CXCR6: variants seen among roughly 807,000 people sequenced by gnomAD.
CXCR6 encodes the protein C-X-C chemokine receptor type 6.
A neutral mutation model predicts 1.6 loss-of-function variants in CXCR6; 3 were observed. That is an observed-to-expected ratio of 1.83 (90% CI 0.83 to 4.72). CXCR6 has a LOEUF of 4.72. Ranked by LOEUF, CXCR6 falls within the 30% of genes most tolerant of loss-of-function variation. The pLI, the probability that CXCR6 is intolerant of heterozygous loss-of-function variation, is 0.02. For synonymous variants in CXCR6, 171 were observed against 159.2 expected (o/e 1.07, Z -0.56); for missense variants, 326 against 414.8 (o/e 0.79, Z 1.86).
rs913360778 is a variant in CXCR6 at position 45,948,272 on chromosome 3, C to T, written c.*762C>T. ...ACAAACGTATGTAAATGTATATACC[C>T]ACACACATACACACATATGTCATAT... On this transcript the variant is annotated 3_prime_UTR_variant, in exon 2 of 2. Transcript: ENST00000304552. 1.2e-5 allele frequency: 2 copies of T among 166,918 alleles called. No individual in the cohort carries two copies. The highest frequency in any genetic ancestry group is 4.8e-5 in the African/African-American group (2 of 41,446). The allele number at this position is 166,918 out of a possible 1,614,324, so 10.3% of individuals were successfully genotyped here. A position where few individuals can be genotyped will look rare whatever the true frequency, so the allele number is the denominator to read the frequency against.
rs551078757 is a variant in CXCR6 at position 45,946,950 on chromosome 3, G to A, written c.469G>A (p.Val157Met). The A allele has an allele frequency of 1.4e-5, 22 of 1,614,188 alleles. 1 individual carries two copies. In the South Asian group the frequency reaches 2.1e-4, roughly 15 times the overall value. Residue 157 changes from valine to methionine, a missense_variant, in exon 2 of 2, where the codon GTG becomes ATG. Val to Met is a conservative substitution (Grantham distance 21, BLOSUM62 1). Coordinates refer to ENST00000304552, the MANE Select transcript of CXCR6 (RefSeq NM_006564.2). ...WGKVTSLLIWVISLLVSLPQI... is the reference protein window; with the variant it reads ...WGKVTSLLIWMISLLVSLPQI... Reference sequence around the variant, plus strand: ...CAAGGTCACCAGCTTGCTCATCTGGGTGATATCCCTGCTGGTTTCCTTGCC... The same window carrying A: ...CAAGGTCACCAGCTTGCTCATCTGGATGATATCCCTGCTGGTTTCCTTGCC...
At chr3:45,943,263 G>A (rs574416457), upstream of CXCR6, among the ~76,000 whole-genome samples, 2 of 152,222 alleles carry the variant, frequency 1.3e-5, no homozygotes, top group East Asian at 1.9e-4. Context: ...AATAAAGCTC[G>A]TCAGGCCCTG....
rs1704743019 is a variant in CXCR6 at position 45,947,956 on chromosome 3, T to A, written c.*446T>A. On this transcript the variant is annotated 3_prime_UTR_variant, in exon 2 of 2. Transcript: ENST00000304552. ...TCAGAGCAGCAGTGAAAACAAGTGC[T>A]GGCACCACCAGGCACCTCACAGAAA... is the stretch of plus-strand genomic sequence containing the variant. 1 of 163,832 alleles carries A rather than the reference T, an allele frequency of 6.1e-6. No homozygotes were observed. Among genetic ancestry groups the A allele is most frequent in the African/African-American group, 2.6e-5 (1 of 37,752 alleles). 10.1% of individuals were successfully genotyped at this position (163,832 alleles called of 1,614,324 possible). A position where few individuals can be genotyped will look rare whatever the true frequency, so the allele number is the denominator to read the frequency against.
In CXCR6 at chr3:45,946,714, T is replaced by TG; in HGVS notation, c.235dup (p.Val79GlyfsTer16). The TG allele has an allele frequency of 6.2e-7, 1 of 1,614,250 alleles. No individual in the cohort carries two copies. The highest frequency in any genetic ancestry group is 2.2e-5 in the East Asian group (1 of 44,894). ...CTGGTGAACCTACCCCTGGCTGACC[T>TG]GGTGTTTGTCTGCACTCTGCCCTTC... On this transcript the variant is annotated frameshift_variant, in exon 2 of 2. Transcript: ENST00000304552. LOFTEE classifies it low-confidence loss of function (END_TRUNC).
upstream of CXCR6, among the ~76,000 whole-genome samples, chr3:45,941,568 C>G (rs142994526): frequency 1.8e-3 from 275 of 152,332 alleles, no homozygotes; most frequent in African/African-American, 6.3e-3. Flanking sequence ...TAGCCCCAAA[C>G]CTGCAAGTGG....
rs564092073 is a variant in CXCR6 at position 45,948,339 on chromosome 3, T to A, written c.*829T>A. The A allele has an allele frequency of 6.0e-6, 1 of 165,550 alleles. No homozygotes were observed. The highest frequency in any genetic ancestry group is 1.5e-5 in the Non-Finnish European group (1 of 68,122). 10.3% of individuals were successfully genotyped at this position (165,550 alleles called of 1,614,324 possible). ...TTTCATAGCTAAGAAATAAAACTGT[T>A]AAAGTCTCCAAACTACTTTTACACT... On this transcript the variant is annotated 3_prime_UTR_variant, in exon 2 of 2. Transcript: ENST00000304552.
In CXCR6 at chr3:45,946,545, G is replaced by A. The variant is rs776345111; in HGVS notation, c.64G>A (p.Glu22Lys). Residue 22 changes from glutamate to lysine, a missense_variant, in exon 2 of 2, where the codon GAG becomes AAG. Physicochemically the swap from Glu to Lys is moderately conservative, Grantham distance 56. Coordinates refer to ENST00000304552, the MANE Select transcript of CXCR6 (RefSeq NM_006564.2). ...CAGTTTCAATGACAGCAGCCAGGAG[G>A]AGCATCAAGACTTCCTGCAGTTCAG... ...FSSFNDSSQE[E>K]HQDFLQFSKV... The A allele has an allele frequency of 6.2e-7, 1 of 1,614,208 alleles. No homozygotes were observed. Among genetic ancestry groups the A allele is most frequent in the African/African-American group, 1.3e-5 (1 of 75,056 alleles).
At chr3:45,942,023 G>A (rs1704254300), upstream of CXCR6, among the ~76,000 whole-genome samples, 1 of 152,344 alleles carries the variant, frequency 6.6e-6, no homozygotes, top group African/African-American at 2.4e-5. Context: ...CCATCGGTAT[G>A]TAGTCTATGC....
Position 45,947,367 on chromosome 3 carries a change from C to A in CXCR6, c.886C>A (p.Arg296=). The stretch of plus-strand genomic sequence containing the variant: ...CTATGCCTTTGTCAGCCTGAAGTTT[C>A]GAAAGAACTTCTGGAAACTTGTGAA... ...VLYAFVSLKF[R]KNFWKLVKDI... The change falls in exon 2 of 2, where the codon CGA becomes AGA. Residue 296 remains arginine, a synonymous_variant. Coordinates refer to ENST00000304552, the MANE Select transcript of CXCR6 (RefSeq NM_006564.2). 6.2e-7 allele frequency: 1 copy of A among 1,614,234 alleles called. No individual in the cohort carries two copies. Among genetic ancestry groups the A allele is most frequent in the Non-Finnish European group, 8.5e-7 (1 of 1,180,048 alleles).
At chr3:45,945,160 T>G (rs574769311) in intron 1 of CXCR6, 1 of 152,262 alleles carries the variant, frequency 6.6e-6, no homozygotes, top group South Asian at 2.1e-4. Flanking sequence ...GCGACAGAAG[T>G]GTTTCTGAGT....
upstream of CXCR6, among the ~76,000 whole-genome samples, chr3:45,943,094 G>A (rs1163522472): frequency 4.6e-5 from 7 of 152,280 alleles, no homozygotes; most frequent in South Asian, 6.2e-4. Flanking sequence ...GCATATGCAC[G>A]CAGAACCCAG....
chr3:45,946,499 C>A lies in CXCR6; in HGVS notation c.18C>A (p.Tyr6Ter). The stretch of plus-strand genomic sequence containing the variant: ...CAGACACCATGGCAGAGCATGATTA[C>A]CATGAAGACTATGGGTTCAGCAGTT... The part of the protein sequence containing the change: MAEHD[Y>*]HEDYGFSSFN... The change falls in exon 2 of 2, where the codon TAC becomes TAA. Residue 6 changes from tyrosine to a stop codon, truncating the protein, a stop_gained. Coordinates refer to ENST00000304552, the MANE Select transcript of CXCR6 (RefSeq NM_006564.2). LOFTEE classifies it low-confidence loss of function (END_TRUNC). 6.2e-7 allele frequency: 1 copy of A among 1,613,476 alleles called. No individual in the cohort carries two copies. The highest frequency in any genetic ancestry group is 1.1e-5 in the South Asian group (1 of 91,024).
Position 45,946,958 on chromosome 3 carries a change from C to G in CXCR6, c.477C>G (p.Ser159=). Residue 159 remains serine (S), a synonymous_variant, in exon 2 of 2, where the codon TCC becomes TCG. Transcript: ENST00000304552. The part of the protein sequence containing the change: ...KVTSLLIWVI[S]LLVSLPQIIY... ...CCAGCTTGCTCATCTGGGTGATATCCCTGCTGGTTTCCTTGCCCCAAATTA... is the reference window on the plus strand; with the variant it reads ...CCAGCTTGCTCATCTGGGTGATATCGCTGCTGGTTTCCTTGCCCCAAATTA... 2 of 1,614,170 alleles carry G rather than the reference C, an allele frequency of 1.2e-6. No homozygotes were observed.
chr3:45,947,319 A>G lies in CXCR6; in HGVS notation c.838A>G (p.Arg280Gly), dbSNP rs763494903. The change falls in exon 2 of 2, where the codon AGG becomes GGG. Residue 280 changes from arginine (R) to glycine (G), a missense_variant. By Grantham distance (125) the Arg-to-Gly change is moderately radical. Transcript: ENST00000304552. The stretch of plus-strand genomic sequence containing the variant: ...GGTGACAGAGGCCATCGCATACCTG[A>G]GGGCCTGCCTTAACCCTGTGCTCTA... ...IMVTEAIAYL[R>G]ACLNPVLYAF... The G allele has an allele frequency of 6.2e-7, 1 of 1,614,208 alleles. No homozygotes were observed. The highest frequency in any genetic ancestry group is 1.7e-5 in the Admixed American group (1 of 60,026).
Position 45,947,214 on chromosome 3 carries a change from A to T in CXCR6, c.733A>T (p.Met245Leu). ...GATGGCTGTGTTCCTGCTGACCCAGATGCCCTTCAACCTCATGAAGTTCAT... is the reference window on the plus strand; with the variant it reads ...GATGGCTGTGTTCCTGCTGACCCAGTTGCCCTTCAACCTCATGAAGTTCAT... The part of the protein sequence containing the change: ...LVMAVFLLTQ[M>L]PFNLMKFIRS... The change falls in exon 2 of 2, where the codon ATG (methionine) becomes TTG (leucine). Residue 245 changes from methionine (M) to leucine (L), a missense_variant. Coordinates refer to ENST00000304552, the MANE Select transcript of CXCR6 (RefSeq NM_006564.2). 3 of 1,614,176 alleles carry T rather than the reference A, an allele frequency of 1.9e-6. No homozygotes were observed. Among genetic ancestry groups the T allele is most frequent in the Middle Eastern group, 3.3e-4 (2 of 6,060 alleles).
rs1278993079 is a variant in CXCR6 at position 45,946,957 on chromosome 3, C to A, written c.476C>A (p.Ser159Tyr). 1 of 1,614,068 alleles carries A rather than the reference C, an allele frequency of 6.2e-7. No homozygotes were observed. Among genetic ancestry groups the A allele is most frequent in the Non-Finnish European group, 8.5e-7 (1 of 1,180,042 alleles). ...ACCAGCTTGCTCATCTGGGTGATATCCCTGCTGGTTTCCTTGCCCCAAATT... is the reference window on the plus strand; with the variant it reads ...ACCAGCTTGCTCATCTGGGTGATATACCTGCTGGTTTCCTTGCCCCAAATT... ...KVTSLLIWVI[S>Y]LLVSLPQIIY... Residue 159 changes from serine to tyrosine, a missense_variant, in exon 2 of 2, where the codon TCC becomes TAC. Physicochemically the swap from Ser to Tyr is moderately radical, Grantham distance 144. Transcript: ENST00000304552.
intron 1 of CXCR6, among the ~76,000 whole-genome samples, 159 bp downstream of exon 1, chr3:45,943,699 T>C (rs1704386818): frequency 6.6e-6 from 1 of 152,168 alleles, no homozygotes; most frequent in Non-Finnish European, 1.5e-5. Flanking sequence ...TCACTGCCAT[T>C]TGCTGCTGTG....
At chr3:45,946,401 C>A in intron 1 of CXCR6, 60 bp from the exon 2 acceptor site, 2 of 1,262,522 alleles carry the variant, frequency 1.6e-6, no homozygotes, top group Non-Finnish European at 2.3e-6. Flanking sequence ...AATGGGATAG[C>A]AGGAAGACAA....
Position 45,944,114 on chromosome 3 carries a change from C to T in CXCR6, c.-22+574C>T, listed in dbSNP as rs56336539. 1.9e-3 allele frequency among the ~76,000 whole-genome samples: 292 copies of T among 152,168 alleles called. 2 individuals are homozygous for T. Among genetic ancestry groups the T allele is most frequent in the Middle Eastern group, 0.017 (5 of 294 alleles). ...TTTATCATGAACTCTTATGTGAGGG[C>T]CCACAGAATACATGGCAGAAGGATT... On this transcript the variant is annotated intron_variant, in intron 1 of 1. Transcript: ENST00000304552.
Sources: gnomAD v4.1 joint callset for allele counts (sites outside exome capture counted in the v4.1 genomes callset) on GRCh38, gnomAD v4.1.1 for gene constraint, MANE v1.5 for transcripts, NCBI Gene and HGNC (gene_info 2026-07-23, HGNC 2026-07-21) for gene names.